The following MAP3K19 variants were observed in gnomAD, a reference collection of about 807,000 sequenced individuals.
MAP3K19 encodes mitogen-activated protein kinase kinase kinase 19.
A neutral mutation model predicts 114.4 loss-of-function variants in MAP3K19; 91 were observed. The ratio of observed to expected loss-of-function variants is 0.80; its 90% CI spans 0.67 to 0.95. MAP3K19 has a LOEUF of 0.95. MAP3K19 is among the 40% of genes least tolerant of loss of function. The pLI, the probability that MAP3K19 is intolerant of heterozygous loss-of-function variation, is 0.00. For missense variants in MAP3K19, 1,471 were observed against 1,573.2 expected (o/e 0.94, Z 1.10); for synonymous variants, 518 against 530.5 (o/e 0.98, Z 0.32).
chr2:135,000,079 C>T (rs1458788789), intron 6 of MAP3K19, 64 bp from the exon 7 acceptor site: 36 of 1,087,308 alleles, frequency 3.3e-5, no homozygotes, highest in Non-Finnish European at 4.7e-5. Context: ...AAGCGGGAGA[C>T]GTACTTTATT....
At chr2:135,017,341 G>A (rs1422391160) in intron 5 of MAP3K19, among the ~76,000 whole-genome samples, 2 of 152,188 alleles carry the variant, frequency 1.3e-5, no homozygotes, top group Non-Finnish European at 1.5e-5. Context: ...TGGCTTAGTA[G>A]TATAAACGGG....
At chr2:134,967,127 C>G (rs745573058) in intron 12 of MAP3K19, among the ~76,000 whole-genome samples, 2 of 152,148 alleles carry the variant, frequency 1.3e-5, no homozygotes, top group Non-Finnish European at 2.9e-5. Flanking sequence ...GTGCAGGATG[C>G]GCCTTGCTAA....
rs1443262305 is a variant in MAP3K19, at chr2:134,986,728, C to G, written c.2144G>C (p.Arg715Thr). ...CATATGTGTTTTTTTCTGAGAAAGT[C>G]TTGTTCTGATATTGCTCTTCCTCTC... is the stretch of plus-strand genomic sequence containing the variant. Reference protein sequence around the residue: ...HSERKSNIRTRLSQKKTHMKC... With the variant: ...HSERKSNIRTTLSQKKTHMKC... Residue 715 changes from arginine (R) to threonine (T), a missense_variant, in exon 10 of 13, where the codon AGA becomes ACA. Transcript: ENST00000392915. 4 of 1,613,958 alleles carry G rather than the reference C, an allele frequency of 2.5e-6. No homozygotes were observed. Among genetic ancestry groups the G allele is most frequent in the Non-Finnish European group, 3.4e-6 (4 of 1,180,004 alleles).
rs762392192 is a variant in MAP3K19, at chr2:134,964,880, C to T, written c.3957G>A (p.Leu1319=). 2.5e-6 allele frequency: 4 copies of T among 1,613,200 alleles called. No homozygotes were observed. ...QHERPSALQL[L]KHSFLERSH ...GACTTCTCTCCAAGAAGGAGTGCTTCAGGAGCTGGAGAGCAGAAGGTCGCT... is the reference window on the plus strand; with the variant it reads ...GACTTCTCTCCAAGAAGGAGTGCTTTAGGAGCTGGAGAGCAGAAGGTCGCT... Residue 1319 remains leucine (L), a synonymous_variant, in exon 13 of 13, where the codon CTG becomes CTA. Transcript: ENST00000392915.
chr2:135,034,669 G>A (rs955407691), intron 2 of MAP3K19, among the ~76,000 whole-genome samples: 9 of 140,204 alleles, frequency 6.4e-5, no homozygotes, highest in Non-Finnish European at 1.2e-4. Flanking sequence ...CCAGTCAGGC[G>A]TGGTGGCGCG....
chr2:134,981,557 G>A, intron 11 of MAP3K19, 39 bp from the exon 12 acceptor site: 1 of 1,446,620 alleles, frequency 6.9e-7, no homozygotes, highest in Non-Finnish European at 9.5e-7. Context: ...TTAAATTAAT[G>A]ACATAACTTA....
chr2:134,986,481 T>C lies in MAP3K19; in HGVS notation c.2391A>G (p.Lys797=). The C allele has an allele frequency of 1.2e-6, 2 of 1,614,172 alleles. No individual in the cohort carries two copies. The highest frequency in any genetic ancestry group is 1.7e-6 in the Non-Finnish European group (2 of 1,180,022). ...NLAQTPEQSM[K]QNEFPPVSDL... Reference sequence around the variant, plus strand: ...CTGAGACAGGAGGGAATTCATTCTGTTTCATGGACTGCTCAGGTGTCTGAG... The same window carrying C: ...CTGAGACAGGAGGGAATTCATTCTGCTTCATGGACTGCTCAGGTGTCTGAG... The change falls in exon 10 of 13, where the codon AAA becomes AAG. Residue 797 remains lysine (K), a synonymous_variant. Transcript: ENST00000392915.
At position 134,991,302 on chromosome 2, in the gene MAP3K19, AAAAACAAAAC is replaced by A. The variant is rs144837592; in HGVS notation, c.618+225_618+234del. ...GGTGACAGAGTGAGACTCTGTCTCAAAAAACAAAACAAAACAAAACAAAACAAAACAAAAC... is the reference window on the plus strand; with the variant it reads ...GGTGACAGAGTGAGACTCTGTCTCAAAAAACAAAACAAAACAAAACAAAAC... On this transcript the variant is annotated intron_variant, in intron 9 of 12. Transcript: ENST00000392915. 1,007 of 472,456 alleles carry A rather than the reference AAAAACAAAAC, an allele frequency of 2.1e-3. 11 individuals carry two copies. Among genetic ancestry groups the A allele is most frequent in the South Asian group, 0.013 (611 of 46,162 alleles). The allele number at this position is 472,456 out of a possible 1,614,324, so 29.3% of individuals were successfully genotyped here. A position where few individuals can be genotyped will look rare whatever the true frequency, so the allele number is the denominator to read the frequency against.
At chr2:134,979,431 T>C (rs1219003542) in intron 12 of MAP3K19, among the ~76,000 whole-genome samples, 2 of 138,640 alleles carry the variant, frequency 1.4e-5, no homozygotes, top group Admixed American at 7.9e-5. Flanking sequence ...ACCCTTTCTC[T>C]TTAAAGTGCT....
At chr2:135,041,404 G>T (rs1159731443) in intron 1 of MAP3K19, among the ~76,000 whole-genome samples, 3 of 150,856 alleles carry the variant, frequency 2.0e-5, no homozygotes, top group Admixed American at 2.0e-4. Flanking sequence ...GCTGTGTCAC[G>T]ATCTTGGCTC....
chr2:134,986,560 G>T lies in MAP3K19; in HGVS notation c.2312C>A (p.Ser771Tyr), dbSNP rs1382724465. ...GGAAGATAGAAACTCATTTCCTGAA[G>T]ACTTTATCTGCCAGTCTGGTTCTGA... ...GISEPDWQIK[S>Y]SGNEFLSSKD... The change falls in exon 10 of 13, where the codon TCT (serine) becomes TAT (tyrosine). Residue 771 changes from serine (S) to tyrosine (Y), a missense_variant. Transcript: ENST00000392915. 1 of 1,614,142 alleles carries T rather than the reference G, an allele frequency of 6.2e-7. No individual in the cohort carries two copies. Among genetic ancestry groups the T allele is most frequent in the South Asian group, 1.1e-5 (1 of 91,070 alleles).
intron 5 of MAP3K19, among the ~76,000 whole-genome samples, chr2:135,017,686 T>C (rs2105355743): frequency 6.6e-6 from 1 of 152,322 alleles, no homozygotes; most frequent in African/African-American, 2.4e-5. Context: ...ATTCCTGGGC[T>C]TTTCCATGGT....
rs1034761822 is a variant in MAP3K19 at position 134,998,685 on chromosome 2, A to G, written c.574+53T>C. ...TTTAGAACAGTGCCTGGCACAATAC[A>G]TAAATATTTGTTGACCAAAAGGACT... On this transcript the variant is annotated intron_variant, in intron 8 of 12. Coordinates refer to ENST00000392915, the MANE Select transcript of MAP3K19 (RefSeq NM_025052.5). 66 of 1,529,462 alleles carry G rather than the reference A, an allele frequency of 4.3e-5. No homozygotes were observed. The Middle Eastern group carries it at 9.6e-4, about 22-fold the overall frequency. 94.7% of individuals were successfully genotyped at this position (1,529,462 alleles called of 1,614,324 possible).
intron 12 of MAP3K19, among the ~76,000 whole-genome samples, chr2:134,976,888 A>T (rs186606879): frequency 6.6e-6 from 1 of 151,778 alleles, no homozygotes; most frequent in East Asian, 1.9e-4. Flanking sequence ...CTACTAAAAA[A>T]ACAAAAACAT....
chr2:134,980,056 C>T (rs1275828413), intron 12 of MAP3K19, among the ~76,000 whole-genome samples: 1 of 152,162 alleles, frequency 6.6e-6, no homozygotes, highest in Non-Finnish European at 1.5e-5. Context: ...CCTTTCTTGT[C>T]CTCCAATTAA....
rs553937234 is a variant in MAP3K19, at chr2:134,999,478, G to T, written c.314+459C>A. 2.0e-5 allele frequency among the ~76,000 whole-genome samples: 3 copies of T among 152,208 alleles called. No individual in the cohort carries two copies. The East Asian group carries it at 5.8e-4, about 29-fold the overall frequency. On this transcript the variant is annotated intron_variant, in intron 7 of 12. Transcript: ENST00000392915. The surrounding 1 kb of genome is among the most constrained non-coding windows in gnomAD (Gnocchi z 4.1). ...TAAGCCTCAATTTGTTTCACTACCC[G>T]ATCAATGAACGTAAGTTATTTGCCA... is the stretch of plus-strand genomic sequence containing the variant.
chr2:134,982,359 T>C (rs969360362), intron 11 of MAP3K19, among the ~76,000 whole-genome samples: 2 of 149,072 alleles, frequency 1.3e-5, no homozygotes, highest in African/African-American at 2.5e-5. Context: ...TTTCTTTTTT[T>C]TTTTTTTTTG....
intron 11 of MAP3K19, among the ~76,000 whole-genome samples, chr2:134,981,999 C>T (rs1349262745): frequency 1.3e-5 from 2 of 150,924 alleles, no homozygotes; most frequent in African/African-American, 4.9e-5. Context: ...TCAAGCAATC[C>T]TCCTACCTCA....
At chr2:134,996,928 A>G (rs1328559610) in intron 8 of MAP3K19, among the ~76,000 whole-genome samples, 1 of 152,160 alleles carries the variant, frequency 6.6e-6, no homozygotes, top group Non-Finnish European at 1.5e-5. Context: ...ATGCACCTGT[A>G]GTCCCAGCTA....
Sources: gnomAD v4.1 joint callset for allele counts (sites outside exome capture counted in the v4.1 genomes callset) on GRCh38, gnomAD v4.1.1 for gene constraint, Gnocchi (gnomAD v3.1) non-coding constraint, MANE v1.5 for transcripts, NCBI Gene and HGNC (gene_info 2026-07-23, HGNC 2026-07-21) for gene names.